The following TRPM8 variants were observed in gnomAD, a reference collection of about 807,000 sequenced individuals.
The protein encoded by TRPM8 is TRPM8 cationic channel.
Under a neutral mutation model 133.7 loss-of-function variants are expected in TRPM8, and 110 were observed. That is an observed-to-expected ratio of 0.82 (90% CI 0.70 to 0.96). The LOEUF is 0.96. Ranked by LOEUF, TRPM8 falls within the 40% of genes least tolerant of loss-of-function variation. The pLI is 0.00. For synonymous variants in TRPM8, 535 were observed against 532.3 expected, an observed-to-expected ratio of 1.01 and a Z score of -0.07; for missense variants, 1,291 against 1,379.5, an observed-to-expected ratio of 0.94 and a Z score of 1.02.
chr2:233,930,516 C>T, intron 2 of TRPM8, 152 bp from the exon 3 acceptor site: 1 of 527,054 alleles, frequency 1.9e-6, no homozygotes, highest in Non-Finnish European at 3.2e-6. Flanking sequence ...ATTTTGTATA[C>T]TCTAAAGGCA....
At chr2:233,962,684 T>G (rs891354530) in intron 12 of TRPM8, among the ~76,000 whole-genome samples, 1 of 152,246 alleles carries the variant, frequency 6.6e-6, no homozygotes, top group Non-Finnish European at 1.5e-5. Context: ...CTCTGCAATA[T>G]GCATAATATG....
intron 12 of TRPM8, among the ~76,000 whole-genome samples, chr2:233,962,388 AGAGAATTGACTT>A (rs1691461406): frequency 3.9e-5 from 6 of 152,184 alleles, no homozygotes; most frequent in Non-Finnish European, 8.8e-5. Context: ...TTATCCACCA[AGAGAATTGACTT>A]GATAATGCAC....
At chr2:233,941,747 A>G (rs1690909538) in intron 5 of TRPM8, among the ~76,000 whole-genome samples, 1 of 152,220 alleles carries the variant, frequency 6.6e-6, no homozygotes, top group Admixed American at 6.5e-5. Flanking sequence ...CCCCGCCGCA[A>G]TAAAACCCTG....
At chr2:233,981,693 G>T in intron 18 of TRPM8, 81 bp from the exon 19 acceptor site, 1 of 1,436,314 alleles carries the variant, frequency 7.0e-7, no homozygotes. Context: ...CCTGTTTCTT[G>T]AAATTGGGTT....
At chr2:234,009,552 TC>T (rs1374023953) in intron 24 of TRPM8, among the ~76,000 whole-genome samples, 8 of 152,114 alleles carry the variant, frequency 5.3e-5, no homozygotes, top group Non-Finnish European at 1.2e-4. Flanking sequence ...CTGACCTGAC[TC>T]CTAGGGTCCA....
At chr2:233,954,659 T>C (rs1276303838) in intron 10 of TRPM8, among the ~76,000 whole-genome samples, 1 of 152,224 alleles carries the variant, frequency 6.6e-6, no homozygotes, top group Non-Finnish European at 1.5e-5. Flanking sequence ...ATTCTTATTG[T>C]ACTTGCCAGA....
In TRPM8 at chr2:233,980,246, G is replaced by A. The variant is rs771167003; in HGVS notation, c.2414G>A (p.Gly805Glu). ...CTGTGGAATGTGATGGACACGCTGG[G>A]GCTTTTTTACTTCATAGCAGGAATT... is the stretch of plus-strand genomic sequence containing the variant. ...TDLWNVMDTL[G>E]LFYFIAGIVF... The change falls in exon 18 of 26, where the codon GGG (glycine) becomes GAG (glutamate). Residue 805 changes from glycine to glutamate, a missense_variant. This residue lies in a region of TRPM8 where 328 missense variants were observed against 410.6 expected (regional missense o/e 0.80). Transcript: ENST00000324695. The A allele has an allele frequency of 5.6e-6, 9 of 1,600,170 alleles. No homozygotes were observed. The African/African-American group carries it at 9.5e-5, about 17-fold the overall frequency.
At chr2:233,979,663 C>T (rs764753526) in intron 17 of TRPM8, among the ~76,000 whole-genome samples, 7 of 152,250 alleles carry the variant, frequency 4.6e-5, no homozygotes, top group Non-Finnish European at 7.3e-5. Context: ...TCAGTCCTTT[C>T]TGCGACCACA....
chr2:233,960,979 G>T lies in TRPM8; in HGVS notation c.1566G>T (p.Thr522=). The T allele has an allele frequency of 6.2e-7, 1 of 1,614,092 alleles. No homozygotes were observed. The highest frequency in any genetic ancestry group is 8.5e-7 in the Non-Finnish European group (1 of 1,180,028). ...ATTCCTATAATGATGCCCTCCTCAC[G>T]TTTGTCTGGAAACTGGTTGCGAACT... ...AKNSYNDALL[T]FVWKLVANFR... is the part of the protein sequence containing the mutation. The change falls in exon 12 of 26, where the codon ACG becomes ACT. Residue 522 remains threonine, a synonymous_variant. Transcript: ENST00000324695.
chr2:233,972,751 G>C (rs930266611), intron 17 of TRPM8, among the ~76,000 whole-genome samples: 1 of 152,184 alleles, frequency 6.6e-6, no homozygotes, highest in Non-Finnish European at 1.5e-5. Flanking sequence ...AGGGCCGGCC[G>C]GCTGCTCCCA....
chr2:233,993,663 G>A (rs1284201151), intron 21 of TRPM8, among the ~76,000 whole-genome samples: 1 of 152,098 alleles, frequency 6.6e-6, no homozygotes, highest in Non-Finnish European at 1.5e-5. Context: ...ACTCCAAGTG[G>A]CCACTTAAGC....
At chr2:233,943,068 T>TTTG in intron 6 of TRPM8, 2 of 83,266 alleles carry the variant, frequency 2.4e-5, no homozygotes, top group African/African-American at 1.2e-4. Flanking sequence ...CTGCAGTATC[T>TTTG]TTTTTTTTTT....
intron 1 of TRPM8, among the ~76,000 whole-genome samples, chr2:233,919,987 T>C (rs1691375774): frequency 6.6e-6 from 1 of 152,214 alleles, no homozygotes; most frequent in South Asian, 2.1e-4. Flanking sequence ...GTGTGATCTG[T>C]GGGCCAGTGG....
intron 17 of TRPM8, among the ~76,000 whole-genome samples, chr2:233,975,357 G>C (rs1314918376): frequency 6.6e-6 from 1 of 152,190 alleles, no homozygotes. Context: ...GAGGAACCCT[G>C]CCCACAGCCC....
At chr2:233,998,691 T>C (rs1692471200) in intron 22 of TRPM8, among the ~76,000 whole-genome samples, 1 of 149,052 alleles carries the variant, frequency 6.7e-6, no homozygotes, top group Non-Finnish European at 1.5e-5. Context: ...CCTGTGCCCA[T>C]CCAGTTAGGG....
intron 2 of TRPM8, among the ~76,000 whole-genome samples, chr2:233,927,894 CTT>C (rs758018066): frequency 4.1e-5 from 3 of 73,762 alleles, no homozygotes; most frequent in East Asian, 6.0e-4. Flanking sequence ...TTCTTTCTTT[CTT>C]TCTTTCTTTC....
At chr2:234,003,588 A>T (rs1692622287) in intron 22 of TRPM8, among the ~76,000 whole-genome samples, 1 of 152,188 alleles carries the variant, frequency 6.6e-6, no homozygotes, top group South Asian at 2.1e-4. Context: ...TGGCTATAGG[A>T]CCTGGGAGAA....
At position 233,981,914 on chromosome 2, in the gene TRPM8, T is replaced by C. The variant is rs781249007; in HGVS notation, c.2588T>C (p.Met863Thr). 7.5e-6 allele frequency: 12 copies of C among 1,605,268 alleles called. No homozygotes were observed. The highest frequency in any genetic ancestry group is 2.7e-5 in the African/African-American group (2 of 74,280). The part of the protein sequence containing the change: ...LGPKIIMLQR[M>T]LIDVFFFLFL... Reference sequence around the variant, plus strand: ...CCCAAGATTATAATGCTGCAGAGGATGGTAAGAGTCAAGAATATTTGTAGT... The same window carrying C: ...CCCAAGATTATAATGCTGCAGAGGACGGTAAGAGTCAAGAATATTTGTAGT... Residue 863 changes from methionine (M) to threonine (T), a missense_variant and splice_region_variant, in exon 19 of 26, where the codon ATG (methionine) becomes ACG (threonine). Met to Thr is a moderately conservative substitution (Grantham distance 81). Coordinates refer to ENST00000324695, the MANE Select transcript of TRPM8 (RefSeq NM_024080.5).
At chr2:233,945,491 A>G (rs576785676) in intron 6 of TRPM8, among the ~76,000 whole-genome samples, 1 of 151,724 alleles carries the variant, frequency 6.6e-6, no homozygotes, top group Admixed American at 6.6e-5. Context: ...ACACACAAAT[A>G]CACACACACA....
Sources: gnomAD v4.1 joint callset for allele counts (sites outside exome capture counted in the v4.1 genomes callset) on GRCh38, gnomAD v4.1.1 for gene constraint, gnomAD v4.1.1 regional missense constraint, MANE v1.5 for transcripts, NCBI Gene and HGNC (gene_info 2026-07-23, HGNC 2026-07-21) for gene names.